The following SVOP variants were observed in gnomAD, a reference collection of about 807,000 sequenced individuals.
The protein encoded by SVOP is synaptic vesicle 2-related protein.
In SVOP, 17 loss-of-function variants were observed where a neutral mutation model predicts 69.1. The observed-to-expected ratio is 0.25, with a 90% CI of 0.17 to 0.37. SVOP has a LOEUF of 0.37. SVOP is among the 10% of genes least tolerant of loss of function. The pLI is 1.00. For synonymous variants in SVOP, 238 were observed against 238.6 expected (o/e 1.00, Z 0.02); for missense variants, 435 against 597.5 (o/e 0.73, Z 2.84).
intron 7 of SVOP, among the ~76,000 whole-genome samples, chr12:108,941,249 G>A (rs2039889794): frequency 6.6e-6 from 1 of 152,062 alleles, no homozygotes; most frequent in Non-Finnish European, 1.5e-5. Flanking sequence ...CTGTCTTTTT[G>A]TCTTGCTCTG....
chr12:108,914,886 AT>A (rs1198744347), intron 15 of SVOP, among the ~76,000 whole-genome samples: 1,512 of 150,312 alleles, frequency 0.01, 9 homozygotes, highest in Middle Eastern at 0.024. Flanking sequence ...AAAAAAAAAA[AT>A]TTTTTTGGCC....
At chr12:109,005,443 T>C (rs2040300642) in intron 1 of SVOP, among the ~76,000 whole-genome samples, 1 of 152,146 alleles carries the variant, frequency 6.6e-6, no homozygotes, top group African/African-American at 2.4e-5. Context: ...TAAGCATCTA[T>C]TGAGGGCTGA....
intron 6 of SVOP, among the ~76,000 whole-genome samples, chr12:108,952,654 CAG>C (rs1424377778): frequency 6.6e-6 from 1 of 152,118 alleles, no homozygotes; most frequent in African/African-American, 2.4e-5. Context: ...CTGGGTAACA[CAG>C]TGAGACCGCC....
At position 108,922,535 on chromosome 12, in the gene SVOP, T is replaced by C. The variant is rs372045068; in HGVS notation, c.1156+155A>G. On this transcript the variant is annotated intron_variant, in intron 12 of 15. Transcript: ENST00000610966. The stretch of plus-strand genomic sequence containing the variant: ...GGGTAACATCTCAGCCCCTTCACAG[T>C]TCTTGACAACTTATAGTTAAGGATT... Among the ~76,000 whole-genome samples, 138 of 152,322 alleles carry C rather than the reference T, an allele frequency of 9.1e-4. 2 individuals are homozygous for C. The South Asian group carries it at 0.025, about 28-fold the overall frequency.
intron 5 of SVOP, among the ~76,000 whole-genome samples, chr12:108,965,435 C>T (rs2040039620): frequency 6.6e-6 from 1 of 152,122 alleles, no homozygotes; most frequent in African/African-American, 2.4e-5. Context: ...GGATGGGGGC[C>T]TGGTGGAATT....
chr12:108,973,252 CAG>C (rs1418122999), intron 4 of SVOP, among the ~76,000 whole-genome samples: 1 of 152,120 alleles, frequency 6.6e-6, no homozygotes, highest in Non-Finnish European at 1.5e-5. Context: ...AACTGAGGGC[CAG>C]AGAGGGGAGG....
intron 4 of SVOP, among the ~76,000 whole-genome samples, chr12:108,974,122 C>G (rs2040094043): frequency 6.6e-6 from 1 of 152,156 alleles, no homozygotes; most frequent in African/African-American, 2.4e-5. Flanking sequence ...CCTTCAGTTC[C>G]TCAAAACTTT....
Position 108,917,981 on chromosome 12 carries a change from TC to T in SVOP, c.1350+61del. On this transcript the variant is annotated intron_variant, in intron 14 of 15. Transcript: ENST00000610966. ...TTTAATGGTTTCTGGAAGCAGAGCA[TC>T]CCCCACAGCCACTCTCCCCCCACTG... is the stretch of plus-strand genomic sequence containing the variant. 3.0e-6 allele frequency: 4 copies of T among 1,331,536 alleles called. No homozygotes were observed. In the South Asian group the frequency reaches 4.3e-5, roughly 14 times the overall value. The allele number at this position is 1,331,536 out of a possible 1,614,324, so 82.5% of individuals were successfully genotyped here. A position where few individuals can be genotyped will look rare whatever the true frequency, so the allele number is the denominator to read the frequency against.
intron 1 of SVOP, among the ~76,000 whole-genome samples, chr12:109,011,468 C>T (rs1161448295): frequency 2.0e-5 from 3 of 152,176 alleles, no homozygotes; most frequent in African/African-American, 7.2e-5. Flanking sequence ...GATCCTCCCC[C>T]TCCTTTGGCC....
At chr12:108,934,361 G>T in intron 10 of SVOP, 90 bp from the exon 11 acceptor site, 3 of 1,093,102 alleles carry the variant, frequency 2.7e-6, no homozygotes, top group Non-Finnish European at 4.0e-6. Flanking sequence ...AATGTCTACA[G>T]CAGCAGGGAC....
chr12:108,993,155 G>A (rs112952382), intron 1 of SVOP, among the ~76,000 whole-genome samples: 4,270 of 152,048 alleles, frequency 0.028, 215 homozygotes, highest in African/African-American at 0.097. Context: ...TTACAGGCAC[G>A]CACCACCACG....
chr12:109,007,647 A>G (rs1461774016), intron 1 of SVOP, among the ~76,000 whole-genome samples: 2 of 152,218 alleles, frequency 1.3e-5, no homozygotes, highest in Non-Finnish European at 2.9e-5. Context: ...ATGATATTTA[A>G]TATTTATGCA....
Position 108,919,617 on chromosome 12 carries a change from C to T in SVOP, c.1268+58G>A, listed in dbSNP as rs1005657464. 1.1e-4 allele frequency: 157 copies of T among 1,416,284 alleles called. No homozygotes were observed. In the East Asian group the frequency reaches 3.5e-3, roughly 31 times the overall value. The allele number at this position is 1,416,284 out of a possible 1,614,324, so 87.7% of individuals were successfully genotyped here. Reference sequence around the variant, plus strand: ...ACATCTACCTGGGCCTGCACCCACACCTGCACCCACACCTCCACCTGTGCT... The same window carrying T: ...ACATCTACCTGGGCCTGCACCCACATCTGCACCCACACCTCCACCTGTGCT... On this transcript the variant is annotated intron_variant, in intron 13 of 15. Transcript: ENST00000610966.
chr12:108,912,808 ATAGTAT>A, intron 15 of SVOP, 67 bp from the exon 16 acceptor site: 1 of 1,481,452 alleles, frequency 6.8e-7, no homozygotes, highest in Non-Finnish European at 9.2e-7. Flanking sequence ...CAACCATCAA[ATAGTAT>A]TAGTAACATC....
At chr12:108,927,689 C>A (rs1200307032) in intron 11 of SVOP, among the ~76,000 whole-genome samples, 3 of 151,678 alleles carry the variant, frequency 2.0e-5, no homozygotes, top group Non-Finnish European at 4.4e-5. Flanking sequence ...ACCCTCCACA[C>A]CTGCAGGCTC....
intron 7 of SVOP, 149 bp from the exon 8 acceptor site, chr12:108,941,058 T>G: frequency 8.3e-7 from 1 of 1,208,638 alleles, no homozygotes; most frequent in Admixed American, 2.6e-5. Context: ...CTGTGGTCTA[T>G]ATGGTTGGGC....
chr12:108,966,425 C>T (rs1185886675), intron 5 of SVOP, among the ~76,000 whole-genome samples: 1 of 152,146 alleles, frequency 6.6e-6, no homozygotes, highest in African/African-American at 2.4e-5. Context: ...TCACTGAGTC[C>T]TAACCCCGTA....
In SVOP at chr12:108,938,784, C is replaced by A. The variant is rs548171023; in HGVS notation, c.897+43G>T. Reference sequence around the variant, plus strand: ...ATATGCACACACTCCCCTGCATGCACCCCGATACGCACATTGCAGAGTCTA... The same window carrying A: ...ATATGCACACACTCCCCTGCATGCAACCCGATACGCACATTGCAGAGTCTA... On this transcript the variant is annotated intron_variant, in intron 9 of 15. Coordinates refer to ENST00000610966, the MANE Select transcript of SVOP (RefSeq NM_018711.5). 46 of 1,613,272 alleles carry A rather than the reference C, an allele frequency of 2.9e-5. No homozygotes were observed. The Middle Eastern group carries it at 9.9e-4, about 35-fold the overall frequency.
At chr12:108,977,305 G>A in intron 4 of SVOP, 93 bp downstream of exon 4, 1 of 1,427,278 alleles carries the variant, frequency 7.0e-7, no homozygotes, top group Non-Finnish European at 9.4e-7. Flanking sequence ...CTTTTCTGCT[G>A]AGCCTTCGGC....
Sources: gnomAD v4.1 joint callset for allele counts (sites outside exome capture counted in the v4.1 genomes callset) on GRCh38, gnomAD v4.1.1 for gene constraint, MANE v1.5 for transcripts, NCBI Gene and HGNC (gene_info 2026-07-23, HGNC 2026-07-21) for gene names.